MYO16: variants seen among roughly 807,000 people sequenced by gnomAD.
MYO16 encodes the protein unconventional myosin-XVI.
Under a neutral mutation model 205.3 loss-of-function variants are expected in MYO16, and 94 were observed. The observed-to-expected ratio is 0.46, with a 90% CI of 0.39 to 0.54. The LOEUF is 0.54. Among genes scored for constraint, MYO16 ranks in the 20% least tolerant of loss-of-function variants. The probability of loss-of-function intolerance (pLI) is 0.00; values close to 1 mark genes in which losing one functional copy is unlikely to be tolerated. For missense variants in MYO16, 2,315 were observed against 2,387.5 expected, an observed-to-expected ratio of 0.97 and a Z score of 0.63; for synonymous variants, 988 against 954.0, an observed-to-expected ratio of 1.04 and a Z score of -0.66.
intron 16 of MYO16, among the ~76,000 whole-genome samples, chr13:108,946,756 T>TA (rs1457268430): frequency 1.3e-5 from 2 of 151,980 alleles, no homozygotes; most frequent in East Asian, 1.9e-4. Flanking sequence ...TTTTTTTTTT[T>TA]ATTGAGATAT....
At chr13:108,606,983 A>T (rs970976067) in intron 1 of MYO16, among the ~76,000 whole-genome samples, 1 of 152,206 alleles carries the variant, frequency 6.6e-6, no homozygotes, top group African/African-American at 2.4e-5. Flanking sequence ...TTAAAGTTTA[A>T]TGATTACCCT....
chr13:108,820,768 A>G (rs1349264535), intron 8 of MYO16, among the ~76,000 whole-genome samples: 3 of 152,196 alleles, frequency 2.0e-5, no homozygotes, highest in Non-Finnish European at 1.5e-5. Context: ...TACCAAATAC[A>G]TGCTTATCCG....
chr13:108,600,932 C>T (rs1273202775), intron 1 of MYO16, among the ~76,000 whole-genome samples: 2 of 151,808 alleles, frequency 1.3e-5, no homozygotes, highest in South Asian at 2.1e-4. Context: ...ATTTTTATGC[C>T]ACTTATCCTC....
At chr13:109,116,258 C>T (rs1254745907) in intron 28 of MYO16, among the ~76,000 whole-genome samples, 4 of 152,146 alleles carry the variant, frequency 2.6e-5, no homozygotes, top group South Asian at 2.1e-4. Flanking sequence ...CAACCTCCAC[C>T]GAGTGAATCC....
intron 24 of MYO16, among the ~76,000 whole-genome samples, chr13:109,049,644 T>G (rs1887172618): frequency 6.6e-6 from 1 of 152,178 alleles, no homozygotes; most frequent in Non-Finnish European, 1.5e-5. Context: ...AGGCATTTTC[T>G]CAATTATAAG....
At position 109,127,262 on chromosome 13, in the gene MYO16, G is replaced by C. The variant is rs1876297063; in HGVS notation, c.3783-20G>C. Reference sequence around the variant, plus strand: ...GGGCCTCTCTGGCGTGGTGCTGTTTGTGTTTTGTTTCCCCCTAAGAACCGA... The same window carrying C: ...GGGCCTCTCTGGCGTGGTGCTGTTTCTGTTTTGTTTCCCCCTAAGAACCGA... On this transcript the variant is annotated intron_variant, in intron 30 of 34. Coordinates refer to ENST00000457511, the MANE Select transcript of MYO16 (RefSeq NM_001198950.3). This position sits in a 1 kb window ranked among gnomAD's most constrained non-coding sequence, Gnocchi z 4.2. The C allele has an allele frequency of 6.4e-7, 1 of 1,552,712 alleles. No homozygotes were observed. The highest frequency in any genetic ancestry group is 2.3e-5 in the East Asian group (1 of 44,066).
chr13:108,732,701 T>TGACG (rs1207240965), intron 4 of MYO16, among the ~76,000 whole-genome samples: 1 of 152,114 alleles, frequency 6.6e-6, no homozygotes, highest in Non-Finnish European at 1.5e-5. Flanking sequence ...TGGAAAGAAG[T>TGACG]GACGTGATGG....
intron 9 of MYO16, among the ~76,000 whole-genome samples, chr13:108,832,229 G>A (rs982837895): frequency 7.6e-5 from 11 of 144,466 alleles, no homozygotes; most frequent in South Asian, 4.4e-4. Flanking sequence ...TGCAACCTCC[G>A]CCTCCTGGGC....
chr13:108,552,982 A>T, the MYO16 span, among the ~76,000 whole-genome samples: 1 of 145,706 alleles, frequency 6.9e-6, no homozygotes, highest in Non-Finnish European at 1.5e-5. Flanking sequence ...GAAAGGTCCC[A>T]ACTCTTAGTA....
At chr13:108,528,782 CCTCTTCT>C in the MYO16 span, among the ~76,000 whole-genome samples, 2 of 146,620 alleles carry the variant, frequency 1.4e-5, no homozygotes, top group African/African-American at 2.5e-5. Context: ...CTGTCTCCTC[CCTCTTCT>C]CTCTTCTCTC....
intron 9 of MYO16, among the ~76,000 whole-genome samples, chr13:108,838,415 G>C (rs1387786266): frequency 6.6e-6 from 1 of 151,768 alleles, no homozygotes; most frequent in African/African-American, 2.4e-5. Flanking sequence ...AGCACTTTGG[G>C]AGGCCAAGGC....
At chr13:108,635,892 T>C (rs1258303702) in intron 1 of MYO16, among the ~76,000 whole-genome samples, 1 of 152,168 alleles carries the variant, frequency 6.6e-6, no homozygotes, top group Non-Finnish European at 1.5e-5. Context: ...CTCTGTTCTA[T>C]GGATTTTTGG....
chr13:108,674,228 A>G (rs1438877486), intron 2 of MYO16, among the ~76,000 whole-genome samples: 1 of 152,222 alleles, frequency 6.6e-6, no homozygotes, highest in Non-Finnish European at 1.5e-5. Flanking sequence ...TTACACATAA[A>G]AAAGTGAAAT....
chr13:108,688,455 G>C (rs1882766856), intron 2 of MYO16, among the ~76,000 whole-genome samples: 3 of 152,046 alleles, frequency 2.0e-5, no homozygotes, highest in Admixed American at 2.0e-4. Flanking sequence ...AACTGAATTA[G>C]TTCATCTTTA....
At chr13:109,026,456 G>A (rs1886365089) in intron 23 of MYO16, among the ~76,000 whole-genome samples, 1 of 152,156 alleles carries the variant, frequency 6.6e-6, no homozygotes, top group Admixed American at 6.5e-5. Flanking sequence ...CACCCGTTGA[G>A]CCTGGTGTGG....
At chr13:108,877,809 A>G (rs1298176054) in intron 12 of MYO16, among the ~76,000 whole-genome samples, 1 of 152,136 alleles carries the variant, frequency 6.6e-6, no homozygotes, top group Non-Finnish European at 1.5e-5. Flanking sequence ...TATATGGTTG[A>G]CCAGTGCTTG....
the MYO16 span, among the ~76,000 whole-genome samples, chr13:108,557,509 A>G: frequency 2.0e-5 from 3 of 152,154 alleles, no homozygotes; most frequent in Non-Finnish European, 4.4e-5. Context: ...ACAAAACAAT[A>G]TTTGTCTTAT....
At chr13:108,690,031 A>G (rs1176443896) in intron 2 of MYO16, among the ~76,000 whole-genome samples, 1 of 152,166 alleles carries the variant, frequency 6.6e-6, no homozygotes, top group African/African-American at 2.4e-5. Context: ...CACTTATTGT[A>G]TAAAATTCCT....
At chr13:108,868,868 C>T (rs904995117) in intron 12 of MYO16, among the ~76,000 whole-genome samples, 50 of 148,102 alleles carry the variant, frequency 3.4e-4, no homozygotes, top group African/African-American at 1.0e-3. Context: ...TGCAGTGAGC[C>T]GAGATCGTGC....
Sources: allele counts gnomAD v4.1 joint callset (sites outside exome capture counted in the v4.1 genomes callset), GRCh38; gene constraint gnomAD v4.1.1; non-coding constraint Gnocchi (gnomAD v3.1); transcripts MANE v1.5; gene names NCBI Gene and HGNC (gene_info 2026-07-23, HGNC 2026-07-21).